The following APC variants were observed in gnomAD, a reference collection of about 807,000 sequenced individuals.
APC encodes adenomatous polyposis coli protein.
APC carries 72 observed loss-of-function variants against 247.0 expected under a neutral mutation model. That is an observed-to-expected ratio of 0.29 (90% confidence interval 0.24 to 0.35). The LOEUF (loss-of-function observed/expected upper bound fraction) is 0.35. APC is among the 10% of genes least tolerant of loss of function. APC has a pLI of 1.00. For synonymous variants in APC, 1,254 were observed against 1,162.5 expected (o/e 1.08, Z -1.60); for missense variants, 3,400 against 3,360.7 (o/e 1.01, Z -0.29).
At chr5:112,794,941 G>T (rs1205453769) in intron 7 of APC, among the ~76,000 whole-genome samples, 1 of 152,222 alleles carries the variant, frequency 6.6e-6, no homozygotes, top group Non-Finnish European at 1.5e-5. Context: ...TAAGGAAGGG[G>T]TGTAGGAATG....
At chr5:112,800,820 T>G (rs1414247112) in intron 7 of APC, among the ~76,000 whole-genome samples, 1 of 152,016 alleles carries the variant, frequency 6.6e-6, no homozygotes, top group Non-Finnish European at 1.5e-5. Context: ...CTAACTTTTA[T>G]TAGAAGATAT....
intron 2 of APC, among the ~76,000 whole-genome samples, chr5:112,761,780 G>C (rs189024701): frequency 4.9e-4 from 74 of 152,196 alleles, no homozygotes; most frequent in Middle Eastern, 3.4e-3. Flanking sequence ...CAAAAGACTC[G>C]AGTGTGCTTC....
At chr5:112,820,081 G>A (rs1472766499) in intron 10 of APC, among the ~76,000 whole-genome samples, 1 of 152,058 alleles carries the variant, frequency 6.6e-6, no homozygotes, top group Non-Finnish European at 1.5e-5. Context: ...AGCAGCATGG[G>A]AGTTAGGACC....
intron 1 of APC, among the ~76,000 whole-genome samples, chr5:112,724,793 G>C (rs150294519): frequency 1.3e-5 from 2 of 152,258 alleles, no homozygotes; most frequent in East Asian, 3.9e-4. Flanking sequence ...CAAATGGTTG[G>C]AGTGTAGCTA....
intron 8 of APC, among the ~76,000 whole-genome samples, chr5:112,807,708 A>C (rs1269969778): frequency 6.6e-6 from 1 of 152,222 alleles, no homozygotes; most frequent in African/African-American, 2.4e-5. Context: ...GGAAAATTTT[A>C]AACATTTACA....
chr5:112,794,694 G>A (rs571589990), intron 7 of APC, among the ~76,000 whole-genome samples: 2 of 152,088 alleles, frequency 1.3e-5, no homozygotes, highest in Non-Finnish European at 2.9e-5. Flanking sequence ...GTTAAGAGCC[G>A]ACTCCTTCAC....
chr5:112,746,305 A>C (rs1025149585), intron 1 of APC, among the ~76,000 whole-genome samples: 3 of 152,160 alleles, frequency 2.0e-5, no homozygotes, highest in African/African-American at 7.2e-5. Flanking sequence ...AAAAGAAAAA[A>C]GGCACCTTCT....
intron 2 of APC, 70 bp from the exon 3 acceptor site, chr5:112,766,256 C>G: frequency 1.7e-6 from 2 of 1,166,308 alleles, no homozygotes; most frequent in Non-Finnish European, 2.6e-6. Context: ...ACTTAAATGT[C>G]AAGAAATACA....
intron 9 of APC, 137 bp from the exon 10 acceptor site, chr5:112,818,829 T>G: frequency 7.3e-6 from 7 of 953,828 alleles, no homozygotes; most frequent in Non-Finnish European, 1.1e-5. Flanking sequence ...GTTTTCCGGT[T>G]TTTTGTTTTT....
Position 112,844,750 on chromosome 5 carries a change from A to C in APC, c.*624A>C, listed in dbSNP as rs886059806. 7 of 231,798 alleles carry C rather than the reference A, an allele frequency of 3.0e-5. No homozygotes were observed. Among genetic ancestry groups the C allele is most frequent in the African/African-American group, 4.4e-5 (2 of 45,278 alleles). The allele number at this position is 231,798 out of a possible 1,614,324, so 14.4% of individuals were successfully genotyped here. Reference sequence around the variant, plus strand: ...TAGCTACAGTGTAATAATTTACACTATTTTGTGCTCCAAACAAAACAAAAA... The same window carrying C: ...TAGCTACAGTGTAATAATTTACACTCTTTTGTGCTCCAAACAAAACAAAAA... On this transcript the variant is annotated 3_prime_UTR_variant, in exon 16 of 16. Coordinates refer to ENST00000257430, the MANE Select transcript of APC (RefSeq NM_000038.6).
chr5:112,722,333 C>A (rs904263150), intron 1 of APC, among the ~76,000 whole-genome samples: 5 of 152,208 alleles, frequency 3.3e-5, no homozygotes, highest in Non-Finnish European at 5.9e-5. Context: ...TCTTGCACCA[C>A]CACAACAATC....
chr5:112,755,278 A>G (rs1315619316), intron 2 of APC, among the ~76,000 whole-genome samples: 3 of 152,224 alleles, frequency 2.0e-5, no homozygotes, highest in African/African-American at 7.2e-5. Flanking sequence ...GATTAAAGAG[A>G]AGAGACCAAA....
upstream of APC, among the ~76,000 whole-genome samples, chr5:112,735,500 CAT>C (rs3884086): frequency 0.013 from 1,887 of 146,534 alleles, 39 homozygotes; most frequent in African/African-American, 0.044. Flanking sequence ...TTAATGCATA[CAT>C]ATATATATAT....
intron 1 of APC, among the ~76,000 whole-genome samples, chr5:112,724,842 G>C (rs1250406995): frequency 6.6e-6 from 1 of 152,176 alleles, no homozygotes; most frequent in Non-Finnish European, 1.5e-5. Context: ...GGAGGAGTGT[G>C]AAGAGCCAAG....
Position 112,764,719 on chromosome 5 carries a change from C to T in APC, c.136-1607C>T, listed in dbSNP as rs118025485. Among the ~76,000 whole-genome samples, 416 of 152,110 alleles carry T rather than the reference C, an allele frequency of 2.7e-3. 13 individuals carry two copies. In the East Asian group the frequency reaches 0.076, roughly 28 times the overall value. On this transcript the variant is annotated intron_variant, in intron 2 of 15. Transcript: ENST00000257430. ...AAGGGTAGTTGTTGAATTGTGAGAC[C>T]GGAAGCCTGAGAAATAAGGATAAGA...
At chr5:112,742,344 T>A (rs1202724648) in intron 1 of APC, among the ~76,000 whole-genome samples, 1 of 152,202 alleles carries the variant, frequency 6.6e-6, no homozygotes, top group Non-Finnish European at 1.5e-5. Flanking sequence ...TTCTTATACA[T>A]ATCTCCTTGG....
rs2149940357 is a variant in APC at position 112,841,038 on chromosome 5, A to T, written c.5444A>T (p.Asn1815Ile). 2 of 1,610,840 alleles carry T rather than the reference A, an allele frequency of 1.2e-6. No individual in the cohort carries two copies. The highest frequency in any genetic ancestry group is 1.7e-6 in the Non-Finnish European group (2 of 1,177,148). ...FSDNKDSKKQ[N>I]LKNNSKVFND... is the part of the protein sequence containing the mutation. ...GACAACAAAGATTCAAAGAAACAGA[A>T]TTTGAAAAATAATTCCAAGGTCTTC... is the stretch of plus-strand genomic sequence containing the variant. The change falls in exon 16 of 16, where the codon AAT (asparagine) becomes ATT (isoleucine). Residue 1815 changes from asparagine to isoleucine, a missense_variant. Around this residue, in one of 9 missense-constraint regions of APC, gnomAD observed 1,788 missense variants for 1,649.5 expected, o/e 1.08. Transcript: ENST00000257430. The surrounding 1 kb of genome is among the most constrained non-coding windows in gnomAD (Gnocchi z 4.6).
Position 112,842,122 on chromosome 5 carries a change from G to A in APC, c.6528G>A (p.Leu2176=). ...RILKPGEKST[L]ETKKIESESK... ...TAAAACCAGGGGAGAAAAGTACATTGGAAACTAAAAAGATAGAATCTGAAA... is the reference window on the plus strand; with the variant it reads ...TAAAACCAGGGGAGAAAAGTACATTAGAAACTAAAAAGATAGAATCTGAAA... The change falls in exon 16 of 16, where the codon TTG becomes TTA. Residue 2176 remains leucine (L), a synonymous_variant. Coordinates refer to ENST00000257430, the MANE Select transcript of APC (RefSeq NM_000038.6). The A allele has an allele frequency of 6.2e-7, 1 of 1,610,860 alleles. No homozygotes were observed. The highest frequency in any genetic ancestry group is 2.2e-5 in the East Asian group (1 of 44,874).
intron 15 of APC, 81 bp downstream of exon 15, chr5:112,835,246 T>G: frequency 7.8e-7 from 1 of 1,283,924 alleles, no homozygotes; most frequent in Non-Finnish European, 1.1e-6. Context: ...ATGTTTTATA[T>G]AATCATGAAA....
Sources: gnomAD v4.1 joint callset for allele counts (sites outside exome capture counted in the v4.1 genomes callset) on GRCh38, gnomAD v4.1.1 for gene constraint, gnomAD v4.1.1 regional missense constraint, Gnocchi (gnomAD v3.1) non-coding constraint, MANE v1.5 for transcripts, NCBI Gene and HGNC (gene_info 2026-07-23, HGNC 2026-07-21) for gene names.